Variants in SRL observed in about 807,000 individuals in gnomAD.
SRL encodes sarcalumenin.
Under a neutral mutation model 39.5 loss-of-function variants are expected in SRL, and 23 were observed. The ratio of observed to expected loss-of-function variants is 0.58; its 90% CI spans 0.42 to 0.82. The LOEUF is 0.82. Ranked by LOEUF, SRL falls within the 40% of genes least tolerant of loss-of-function variation. The probability of loss-of-function intolerance (pLI) is 0.00; values close to 1 mark genes in which losing one functional copy is unlikely to be tolerated. For synonymous variants in SRL, 272 were observed against 237.4 expected (o/e 1.15, Z -1.34); for missense variants, 592 against 607.8 (o/e 0.97, Z 0.27).
chr16:4,228,765 G>T (rs907522320), intron 1 of SRL, among the ~76,000 whole-genome samples: 6 of 151,846 alleles, frequency 4.0e-5, no homozygotes, highest in Admixed American at 1.3e-4. Flanking sequence ...AAGAAAAAGT[G>T]AAAAAGAAAA....
intron 4 of SRL, among the ~76,000 whole-genome samples, chr16:4,196,714 T>A (rs1330052078): frequency 2.0e-5 from 3 of 151,690 alleles, no homozygotes; most frequent in Non-Finnish European, 4.4e-5. Flanking sequence ...GTCCTGACCT[T>A]GTGATCAACC....
intron 1 of SRL, among the ~76,000 whole-genome samples, chr16:4,224,759 A>G (rs920151985): frequency 7.2e-5 from 11 of 152,172 alleles, no homozygotes; most frequent in African/African-American, 2.4e-4. Flanking sequence ...AAGTGTCCCC[A>G]GAATGTATAT....
intron 3 of SRL, 134 bp from the exon 4 acceptor site, chr16:4,198,049 C>T (rs948795611): frequency 3.0e-6 from 2 of 657,534 alleles, no homozygotes; most frequent in African/African-American, 3.6e-5. Context: ...ACGTGTGTAG[C>T]CCCCAGTGGC....
rs1295137726 is a variant in SRL, at chr16:4,204,581, C to T, written c.115G>A (p.Glu39Lys). Reference protein sequence around the residue: ...EAPLRDRSHIEKTLMLNEDKP... With the variant: ...EAPLRDRSHIKKTLMLNEDKP... ...TCCTCATTCAGCATGAGGGTCTTCT[C>T]GATGTGGGAGCGGTCCCTCAATGGG... Residue 39 changes from glutamate (E) to lysine (K), a missense_variant, in exon 2 of 6, where the codon GAG becomes AAG. Coordinates refer to ENST00000399609, the MANE Select transcript of SRL (RefSeq NM_001098814.2). 27 of 1,614,086 alleles carry T rather than the reference C, an allele frequency of 1.7e-5. No homozygotes were observed. The highest frequency in any genetic ancestry group is 2.2e-5 in the East Asian group (1 of 44,892).
At chr16:4,235,330 C>T (rs546475526) in intron 1 of SRL, among the ~76,000 whole-genome samples, 1 of 152,318 alleles carries the variant, frequency 6.6e-6, no homozygotes, top group African/African-American at 2.4e-5. Context: ...AGGGCACAGG[C>T]CTCACAGCCA....
chr16:4,194,690 G>A (rs965512246), intron 5 of SRL, among the ~76,000 whole-genome samples: 8 of 152,094 alleles, frequency 5.3e-5, no homozygotes, highest in African/African-American at 1.4e-4. Flanking sequence ...AGAGGACTAG[G>A]CCCCCACTTT....
intron 2 of SRL, 124 bp downstream of exon 2, chr16:4,204,409 A>T: frequency 1.2e-6 from 1 of 865,962 alleles, no homozygotes; most frequent in Non-Finnish European, 1.9e-6. Flanking sequence ...TCCAAGATAG[A>T]TACAGCCCCG....
At chr16:4,240,630 G>T (rs1403424720) in intron 1 of SRL, among the ~76,000 whole-genome samples, 1 of 152,126 alleles carries the variant, frequency 6.6e-6, no homozygotes, top group Non-Finnish European at 1.5e-5. Context: ...CCCCAGCGAG[G>T]CCTGCAGAAC....
At position 4,192,095 on chromosome 16, in the gene SRL, TCAGA is replaced by T; in HGVS notation, c.*54_*57del. The stretch of plus-strand genomic sequence containing the variant: ...CAAAGGGTTAATAAACCAGGACCTC[TCAGA>T]CAGTTAGGACACAAGCTGATTCACC... On this transcript the variant is annotated 3_prime_UTR_variant, in exon 6 of 6. Transcript: ENST00000399609. The surrounding 1 kb of genome is among the most constrained non-coding windows in gnomAD (Gnocchi z 4.0). 6.7e-7 allele frequency: 1 copy of T among 1,499,352 alleles called. No homozygotes were observed. The highest frequency in any genetic ancestry group is 8.9e-7 in the Non-Finnish European group (1 of 1,117,982). 92.9% of individuals were successfully genotyped at this position (1,499,352 alleles called of 1,614,324 possible).
Position 4,203,214 on chromosome 16 carries a change from G to C in SRL, c.211C>G (p.Leu71Val). The C allele has an allele frequency of 6.2e-7, 1 of 1,614,224 alleles. No homozygotes were observed. The highest frequency in any genetic ancestry group is 8.5e-7 in the Non-Finnish European group (1 of 1,180,030). Residue 71 changes from leucine (L) to valine (V), a missense_variant, in exon 3 of 6, where the codon CTG becomes GTG. By Grantham distance (32) the Leu-to-Val change is conservative. Coordinates refer to ENST00000399609, the MANE Select transcript of SRL (RefSeq NM_001098814.2). ...TCATTGTACTTGTAGGACTGCTCCAGAGGCTTGATGGATGAGTGGTAGATC... is the reference window on the plus strand; with the variant it reads ...TCATTGTACTTGTAGGACTGCTCCACAGGCTTGATGGATGAGTGGTAGATC... ...RKIYHSSIKP[L>V]EQSYKYNELR...
At chr16:4,224,578 G>A (rs1171481476) in intron 1 of SRL, among the ~76,000 whole-genome samples, 1 of 152,028 alleles carries the variant, frequency 6.6e-6, no homozygotes, top group African/African-American at 2.4e-5. Context: ...TAGTGTGATG[G>A]CTCACACCTG....
At position 4,192,269 on chromosome 16, in the gene SRL, T is replaced by C; in HGVS notation, c.1306A>G (p.Thr436Ala). 1 of 1,614,014 alleles carries C rather than the reference T, an allele frequency of 6.2e-7. No individual in the cohort carries two copies. The highest frequency in any genetic ancestry group is 8.5e-7 in the Non-Finnish European group (1 of 1,179,976). ...CFLEKIERAITQELPGLLGSL... is the reference protein window; with the variant it reads ...CFLEKIERAIAQELPGLLGSL... ...CCCAGGAGGCCCGGAAGCTCCTGAGTGATGGCCCGCTCAATCTTCTCCAGA... is the reference window on the plus strand; with the variant it reads ...CCCAGGAGGCCCGGAAGCTCCTGAGCGATGGCCCGCTCAATCTTCTCCAGA... The change falls in exon 6 of 6, where the codon ACT becomes GCT. Residue 436 changes from threonine (T) to alanine (A), a missense_variant. By Grantham distance (58) the Thr-to-Ala change is moderately conservative. Coordinates refer to ENST00000399609, the MANE Select transcript of SRL (RefSeq NM_001098814.2). The surrounding 1 kb of genome is among the most constrained non-coding windows in gnomAD (Gnocchi z 4.0).
rs1218164584 is a variant in SRL, at chr16:4,203,153, T to A, written c.259+13A>T. ...CCGTAATCTCAAGCCCTACCTGTTA[T>A]CTCAAGCCCTACCTGTGATCTCATG... On this transcript the variant is annotated intron_variant, in intron 3 of 5. Transcript: ENST00000399609. 1 of 1,612,568 alleles carries A rather than the reference T, an allele frequency of 6.2e-7. No individual in the cohort carries two copies. The highest frequency in any genetic ancestry group is 8.5e-7 in the Non-Finnish European group (1 of 1,178,678).
intron 1 of SRL, among the ~76,000 whole-genome samples, chr16:4,234,870 G>A (rs2052698841): frequency 6.6e-6 from 1 of 152,258 alleles, no homozygotes; most frequent in Non-Finnish European, 1.5e-5. Context: ...CCACCTCCGT[G>A]TTGAGATTTA....
Position 4,203,238 on chromosome 16 carries a change from T to C in SRL, c.187A>G (p.Ile63Val). Residue 63 changes from isoleucine to valine, a missense_variant, in exon 3 of 6, where the codon ATC (isoleucine) becomes GTC (valine). Physicochemically the swap from Ile to Val is conservative, Grantham distance 29. Coordinates refer to ENST00000399609, the MANE Select transcript of SRL (RefSeq NM_001098814.2). ...YSAVLQRLRK[I>V]YHSSIKPLEQ... ...AGAGGCTTGATGGATGAGTGGTAGA[T>C]CTTCCGAAGCCGCTGCAGCACCGCT... 6.2e-7 allele frequency: 1 copy of C among 1,614,132 alleles called. No individual in the cohort carries two copies. The highest frequency in any genetic ancestry group is 8.5e-7 in the Non-Finnish European group (1 of 1,179,984).
chr16:4,190,876 A>G lies in SRL; in HGVS notation c.*1277T>C, dbSNP rs1318718643. On this transcript the variant is annotated 3_prime_UTR_variant, in exon 6 of 6. Coordinates refer to ENST00000399609, the MANE Select transcript of SRL (RefSeq NM_001098814.2). ...GAAAAGCCATGGTGTGGAAACTGCA[A>G]AGGAGCAACTCCGCTGCCAAGTGTT... 6.2e-6 allele frequency: 1 copy of G among 162,148 alleles called. No individual in the cohort carries two copies. Among genetic ancestry groups the G allele is most frequent in the Non-Finnish European group, 1.3e-5 (1 of 74,856 alleles). The allele number at this position is 162,148 out of a possible 1,614,324, so 10.0% of individuals were successfully genotyped here.
intron 1 of SRL, among the ~76,000 whole-genome samples, chr16:4,213,430 T>TTTTTTTTTTTTTG (rs2052419146): frequency 7.0e-6 from 1 of 143,328 alleles, no homozygotes; most frequent in African/African-American, 2.7e-5. Flanking sequence ...TTTTTTTTTT[T>TTTTTTTTTTTTTG]GAGACAGGTC....
chr16:4,198,061 C>G, intron 3 of SRL, 146 bp from the exon 4 acceptor site: 1 of 639,474 alleles, frequency 1.6e-6, no homozygotes, highest in Non-Finnish European at 2.8e-6. Flanking sequence ...CCCAGTGGCG[C>G]TTCTCTTGCT....
chr16:4,216,432 C>A (rs565798079), intron 1 of SRL, among the ~76,000 whole-genome samples: 3 of 151,974 alleles, frequency 2.0e-5, no homozygotes, highest in African/African-American at 7.3e-5. Flanking sequence ...CAACCACACT[C>A]GGCTAATTTT....
Sources: allele counts gnomAD v4.1 joint callset (sites outside exome capture counted in the v4.1 genomes callset), GRCh38; gene constraint gnomAD v4.1.1; non-coding constraint Gnocchi (gnomAD v3.1); transcripts MANE v1.5; gene names NCBI Gene and HGNC (gene_info 2026-07-23, HGNC 2026-07-21).